SHROOM3: variants seen among roughly 807,000 people sequenced by gnomAD.
SHROOM3 encodes protein Shroom3.
In SHROOM3, 47 loss-of-function variants were observed where a neutral mutation model predicts 138.6. The ratio of observed to expected loss-of-function variants is 0.34; its 90% CI spans 0.27 to 0.43. The LOEUF (loss-of-function observed/expected upper bound fraction) is 0.43, where lower values mean the gene tolerates loss of function less well. SHROOM3 is among the 20% of genes least tolerant of loss of function. The probability of loss-of-function intolerance (pLI) is 1.00; values close to 1 mark genes in which losing one functional copy is unlikely to be tolerated. For missense variants in SHROOM3, 2,491 were observed against 2,596.5 expected (o/e 0.96, Z 0.88); for synonymous variants, 1,062 against 1,063.3 (o/e 1.00, Z 0.02).
rs60606785 is a variant in SHROOM3 at position 76,589,469 on chromosome 4, T to TAAAA, written c.323+33717_323+33720dup. On this transcript the variant is annotated intron_variant, in intron 2 of 10. Transcript: ENST00000296043. Reference sequence around the variant, plus strand: ...GTGATAAGAGTGAAACTCTGTCTCATAAAAAAAAAAAAAAGAAAAAAGACT... The same window carrying TAAAA: ...GTGATAAGAGTGAAACTCTGTCTCATAAAAAAAAAAAAAAAAAAGAAAAAAGACT... Among the ~76,000 whole-genome samples, 1,250 of 135,596 alleles carry TAAAA rather than the reference T, an allele frequency of 9.2e-3. 10 individuals are homozygous for TAAAA. The highest frequency in any genetic ancestry group is 0.015 in the Non-Finnish European group (921 of 62,418). The allele number at this position is 135,596 out of a possible 152,430, so 89.0% of individuals were successfully genotyped here.
intron 1 of SHROOM3, among the ~76,000 whole-genome samples, chr4:76,473,143 GCAAT>G (rs572692854): frequency 6.1e-4 from 93 of 152,252 alleles, no homozygotes; most frequent in Admixed American, 2.8e-3. Context: ...AAAAGCACAA[GCAAT>G]CAAAGTTAAA....
At position 76,781,645 on chromosome 4, in the gene SHROOM3, T is replaced by C. The variant is rs1305852973; in HGVS notation, c.*2468T>C. ...TAGGTGGATGTGATATTTATTGTAA[T>C]AGGACTTGACCTCTGTACTTTAAAG... On this transcript the variant is annotated 3_prime_UTR_variant, in exon 11 of 11. Transcript: ENST00000296043. 6.6e-6 allele frequency: 1 copy of C among 152,272 alleles called. No individual in the cohort carries two copies. Among genetic ancestry groups the C allele is most frequent in the Non-Finnish European group, 1.5e-5 (1 of 68,050 alleles). The allele number at this position is 152,272 out of a possible 1,614,324, so 9.4% of individuals were successfully genotyped here.
At chr4:76,504,520 T>G (rs1732169345) in intron 1 of SHROOM3, among the ~76,000 whole-genome samples, 1 of 152,188 alleles carries the variant, frequency 6.6e-6, no homozygotes, top group South Asian at 2.1e-4. Context: ...CACATGAAAC[T>G]TTTGTTTAAT....
intron 2 of SHROOM3, chr4:76,688,929 A>G (rs1719413638): frequency 4.1e-6 from 4 of 984,774 alleles, no homozygotes; most frequent in Non-Finnish European, 4.8e-6. Flanking sequence ...GCATGCTGAG[A>G]AAAAGGATGG....
chr4:76,443,657 A>C (rs1489898215), intron 1 of SHROOM3, among the ~76,000 whole-genome samples: 1 of 152,170 alleles, frequency 6.6e-6, no homozygotes, highest in Non-Finnish European at 1.5e-5. Flanking sequence ...AAGATTCTCT[A>C]CTAAATCTAA....
At chr4:76,762,750 CTG>C (rs1242625649) in intron 9 of SHROOM3, among the ~76,000 whole-genome samples, 2 of 152,192 alleles carry the variant, frequency 1.3e-5, no homozygotes, top group African/African-American at 4.8e-5. Flanking sequence ...GAATAAGACA[CTG>C]TGTCTGCTTT....
At chr4:76,542,133 C>A (rs1177763298) in intron 1 of SHROOM3, among the ~76,000 whole-genome samples, 1 of 119,046 alleles carries the variant, frequency 8.4e-6, no homozygotes, top group African/African-American at 3.4e-5. Context: ...ACATTCATCA[C>A]CACAGTCTAC....
chr4:76,776,859 CT>C (rs1426961223), intron 10 of SHROOM3, among the ~76,000 whole-genome samples: 1 of 152,050 alleles, frequency 6.6e-6, no homozygotes, highest in Non-Finnish European at 1.5e-5. Flanking sequence ...ATAGGGTGAC[CT>C]TTCTTCACTT....
intron 2 of SHROOM3, among the ~76,000 whole-genome samples, chr4:76,605,063 TAAA>T (rs1472338099): frequency 6.6e-6 from 1 of 152,216 alleles, no homozygotes. Context: ...GATTTGGATT[TAAA>T]TACCTCTTAC....
rs747974205 is a variant in SHROOM3 at position 76,667,966 on chromosome 4, C to CAAA, written c.324-42166_324-42164dup. Among the ~76,000 whole-genome samples the CAAA allele has an allele frequency of 8.8e-3, 550 of 62,538 alleles. 60 individuals are homozygous for CAAA. Among genetic ancestry groups the CAAA allele is most frequent in the African/African-American group, 0.032 (498 of 15,456 alleles). 41.0% of individuals were successfully genotyped at this position (62,538 alleles called of 152,430 possible). A position where few individuals can be genotyped will look rare whatever the true frequency, so the allele number is the denominator to read the frequency against. ...TGGGCGACAGAAGGAGACTCCCTCTCAAAAAAAAAAAAAAAAAAAAAAAAA... is the reference window on the plus strand; with the variant it reads ...TGGGCGACAGAAGGAGACTCCCTCTCAAAAAAAAAAAAAAAAAAAAAAAAAAAA... On this transcript the variant is annotated intron_variant, in intron 2 of 10. Transcript: ENST00000296043.
rs1248375333 is a variant in SHROOM3, at chr4:76,739,689, G to A, written c.1516G>A (p.Gly506Arg). 2 of 1,614,144 alleles carry A rather than the reference G, an allele frequency of 1.2e-6. No homozygotes were observed. The highest frequency in any genetic ancestry group is 1.3e-5 in the African/African-American group (1 of 75,036). Residue 506 changes from glycine to arginine, a missense_variant, in exon 5 of 11, where the codon GGA becomes AGA. Coordinates refer to ENST00000296043, the MANE Select transcript of SHROOM3 (RefSeq NM_020859.4). ...AKESGYIAPQ[G>R]ACNKMATIDE... ...GGAGAGTGGATACATAGCCCCTCAG[G>A]GAGCATGCAACAAGATGGCTACCAT...
intron 3 of SHROOM3, among the ~76,000 whole-genome samples, chr4:76,720,163 T>G (rs972975263): frequency 8.6e-4 from 121 of 140,416 alleles, no homozygotes; most frequent in African/African-American, 3.2e-3. Context: ...TTTTTTTTTT[T>G]TTTTTTTTTT....
At chr4:76,444,376 G>A (rs904095716) in intron 1 of SHROOM3, among the ~76,000 whole-genome samples, 1 of 150,856 alleles carries the variant, frequency 6.6e-6, no homozygotes, top group Non-Finnish European at 1.5e-5. Context: ...GGCTCTGAGT[G>A]GGAATAAACA....
chr4:76,573,381 CAAT>C (rs6148528), intron 2 of SHROOM3, among the ~76,000 whole-genome samples: 56,231 of 140,734 alleles, frequency 0.4, 11,268 homozygotes, highest in Middle Eastern at 0.49. Flanking sequence ...TGCTGGTTGG[CAAT>C]AATAATAATA....
At chr4:76,521,104 C>CT (rs908420128) in intron 1 of SHROOM3, among the ~76,000 whole-genome samples, 76 of 151,582 alleles carry the variant, frequency 5.0e-4, no homozygotes, top group Middle Eastern at 6.8e-3. Context: ...TAACAGGAGT[C>CT]TTTTTTTTTA....
intron 6 of SHROOM3, among the ~76,000 whole-genome samples, chr4:76,750,989 A>G (rs905761738): frequency 6.6e-6 from 1 of 152,186 alleles, no homozygotes; most frequent in African/African-American, 2.4e-5. Flanking sequence ...AGGACATGTA[A>G]TTCTCAGCTG....
At chr4:76,720,168 T>G (rs1268377585) in intron 3 of SHROOM3, among the ~76,000 whole-genome samples, 128 of 143,012 alleles carry the variant, frequency 9.0e-4, no homozygotes, top group African/African-American at 3.1e-3. Context: ...TTTTTTTTTT[T>G]TTTTTTTTTT....
At chr4:76,776,737 AGATTT>A (rs1370509711) in intron 10 of SHROOM3, among the ~76,000 whole-genome samples, 3 of 152,214 alleles carry the variant, frequency 2.0e-5, no homozygotes, top group African/African-American at 7.2e-5. Flanking sequence ...TTTAGGTCTT[AGATTT>A]AAGTCCTTGA....
chr4:76,704,534 C>G (rs1719994847), intron 2 of SHROOM3, among the ~76,000 whole-genome samples: 1 of 152,160 alleles, frequency 6.6e-6, no homozygotes, highest in African/African-American at 2.4e-5. Flanking sequence ...ATATTCCAGG[C>G]TTAGAGAACA....
Sources: gnomAD v4.1 joint callset for allele counts (sites outside exome capture counted in the v4.1 genomes callset) on GRCh38, gnomAD v4.1.1 for gene constraint, MANE v1.5 for transcripts, NCBI Gene and HGNC (gene_info 2026-07-23, HGNC 2026-07-21) for gene names.